Variants in RHOBTB2 observed in about 807,000 individuals in gnomAD.
RHOBTB2 encodes the protein rho-related BTB domain-containing protein 2.
In RHOBTB2, 39 loss-of-function variants were observed where a neutral mutation model predicts 66.5. The observed-to-expected ratio is 0.59, with a 90% confidence interval of 0.45 to 0.77. The LOEUF (loss-of-function observed/expected upper bound fraction) is 0.77. Ranked by LOEUF, RHOBTB2 falls within the 30% of genes least tolerant of loss-of-function variation. The pLI is 0.00. For missense variants in RHOBTB2, 755 were observed against 999.1 expected (o/e 0.76, Z 3.29); for synonymous variants, 390 against 395.0 (o/e 0.99, Z 0.15).
At chr8:22,988,665 C>G (rs1051101409) in intron 1 of RHOBTB2, among the ~76,000 whole-genome samples, 1 of 152,180 alleles carries the variant, frequency 6.6e-6, no homozygotes, top group African/African-American at 2.4e-5. Context: ...CAGGAGCTCT[C>G]AGGCTTACTG....
upstream of RHOBTB2, chr8:22,994,757 C>T: frequency 1.4e-6 from 1 of 729,118 alleles, no homozygotes; most frequent in African/African-American, 1.8e-5. Flanking sequence ...ACTAGACCAA[C>T]ATAAAAAAAA....
intron 7 of RHOBTB2, among the ~76,000 whole-genome samples, chr8:23,012,114 T>TA (rs1811166239): frequency 6.6e-6 from 1 of 152,174 alleles, no homozygotes. Context: ...TTGCTGTCCA[T>TA]AAAAAAATGG....
chr8:23,000,251 A>G, intron 1 of RHOBTB2, 146 bp downstream of exon 1: 1 of 423,770 alleles, frequency 2.4e-6, no homozygotes, highest in Non-Finnish European at 3.2e-6. Flanking sequence ...TGCTGGGTAC[A>G]GCGGGGCTGG....
At chr8:22,990,766 C>T (rs963292895) in intron 1 of RHOBTB2, among the ~76,000 whole-genome samples, 3 of 152,180 alleles carry the variant, frequency 2.0e-5, no homozygotes, top group Non-Finnish European at 4.4e-5. Flanking sequence ...ACAGCAGCAG[C>T]CTGTGGCCCC....
At chr8:22,997,960 T>A (rs929285942), upstream of RHOBTB2, among the ~76,000 whole-genome samples, 4 of 152,352 alleles carry the variant, frequency 2.6e-5, no homozygotes, top group East Asian at 7.7e-4. Context: ...CTCCTAAATA[T>A]GTATTCAAAT....
chr8:22,960,001 T>TGA, the RHOBTB2 span, among the ~76,000 whole-genome samples: 1 of 104,782 alleles, frequency 9.5e-6, no homozygotes, highest in East Asian at 2.7e-4. Context: ...CCATCTCTAC[T>TGA]AAAAAAAAAA....
chr8:22,956,754 C>T, the RHOBTB2 span, among the ~76,000 whole-genome samples: 3 of 152,160 alleles, frequency 2.0e-5, no homozygotes, highest in Admixed American at 6.5e-5. Context: ...CTCCGCCTCC[C>T]GGATTCAGGC....
upstream of RHOBTB2, among the ~76,000 whole-genome samples, chr8:22,985,326 G>A (rs1451292406): frequency 1.3e-5 from 2 of 152,238 alleles, no homozygotes; most frequent in Non-Finnish European, 2.9e-5. Context: ...CGTCACAGGC[G>A]TAATCTATAG....
chr8:22,997,490 C>A (rs1810607200), upstream of RHOBTB2, among the ~76,000 whole-genome samples: 1 of 152,170 alleles, frequency 6.6e-6, no homozygotes. Context: ...ATTTGACACC[C>A]ACATTTTTGT....
chr8:22,997,595 G>A (rs78378272), upstream of RHOBTB2, among the ~76,000 whole-genome samples: 7,944 of 152,284 alleles, frequency 0.052, 664 homozygotes, highest in African/African-American at 0.18. Context: ...TTTCTCCCAA[G>A]GCAGAAAGGG....
chr8:22,964,179 A>G, the RHOBTB2 span, among the ~76,000 whole-genome samples: 6 of 152,200 alleles, frequency 3.9e-5, no homozygotes, highest in Admixed American at 3.9e-4. Context: ...AGAACCGCAC[A>G]GGAAAGACCC....
Position 23,017,665 on chromosome 8 carries a change from A to C in RHOBTB2, c.*196A>C. The C allele has an allele frequency of 1.2e-6, 1 of 814,562 alleles. No individual in the cohort carries two copies. The highest frequency in any genetic ancestry group is 1.9e-5 in the South Asian group (1 of 54,044). 50.5% of individuals were successfully genotyped at this position (814,562 alleles called of 1,614,324 possible). A position where few individuals can be genotyped will look rare whatever the true frequency, so the allele number is the denominator to read the frequency against. Reference sequence around the variant, plus strand: ...AGCCCTGTGGAGCAGAACGGGAACCACCTGCAGAGGTCCCCAGACCCAAAG... The same window carrying C: ...AGCCCTGTGGAGCAGAACGGGAACCCCCTGCAGAGGTCCCCAGACCCAAAG... On this transcript the variant is annotated 3_prime_UTR_variant, in exon 10 of 10. Transcript: ENST00000251822. This position sits in a 1 kb window ranked among gnomAD's most constrained non-coding sequence, Gnocchi z 5.3.
chr8:22,968,592 G>A, the RHOBTB2 span, among the ~76,000 whole-genome samples: 1 of 151,684 alleles, frequency 6.6e-6, no homozygotes, highest in Non-Finnish European at 1.5e-5. Context: ...AGTGTAGAGG[G>A]GAGAATATTA....
At chr8:22,996,919 A>C (rs1810585883), upstream of RHOBTB2, among the ~76,000 whole-genome samples, 1 of 152,140 alleles carries the variant, frequency 6.6e-6, no homozygotes, top group Admixed American at 6.5e-5. Context: ...CAGCTGGGGT[A>C]CCAGGGGCTG....
At position 22,999,606 on chromosome 8, in the gene RHOBTB2, C is replaced by G. The variant is rs1333236626; in HGVS notation, c.-510C>G. 22 of 1,231,214 alleles carry G rather than the reference C, an allele frequency of 1.8e-5. No homozygotes were observed. Among genetic ancestry groups the G allele is most frequent in the Non-Finnish European group, 2.3e-5 (22 of 967,640 alleles). 76.3% of individuals were successfully genotyped at this position (1,231,214 alleles called of 1,614,324 possible). A position where few individuals can be genotyped will look rare whatever the true frequency, so the allele number is the denominator to read the frequency against. Reference sequence around the variant, plus strand: ...TTTTTTCTCCTCCTTTTTTTACCCTCCCGTTTTTTTCTTTTCTTTTTTTTT... The same window carrying G: ...TTTTTTCTCCTCCTTTTTTTACCCTGCCGTTTTTTTCTTTTCTTTTTTTTT... On this transcript the variant is annotated 5_prime_UTR_variant, in exon 1 of 10. Coordinates refer to ENST00000251822, the MANE Select transcript of RHOBTB2 (RefSeq NM_015178.3).
At chr8:22,965,569 G>A in the RHOBTB2 span, among the ~76,000 whole-genome samples, 1 of 152,158 alleles carries the variant, frequency 6.6e-6, no homozygotes. Flanking sequence ...GTGTGTCACT[G>A]ACATAAAGAC....
At chr8:23,012,728 C>T (rs894994010) in intron 7 of RHOBTB2, among the ~76,000 whole-genome samples, 4 of 152,176 alleles carry the variant, frequency 2.6e-5, no homozygotes, top group Admixed American at 1.3e-4. Flanking sequence ...AAGCGATCCT[C>T]CCAACTCAGC....
the RHOBTB2 span, among the ~76,000 whole-genome samples, chr8:22,974,444 T>G: frequency 6.6e-6 from 1 of 152,218 alleles, no homozygotes; most frequent in African/African-American, 2.4e-5. Flanking sequence ...CCGTTTTTAG[T>G]GTCTTGGGTG....
At chr8:22,969,233 A>G in the RHOBTB2 span, among the ~76,000 whole-genome samples, 1 of 152,188 alleles carries the variant, frequency 6.6e-6, no homozygotes, top group Admixed American at 6.5e-5. Context: ...TCACTACCAC[A>G]AGAACAGTAT....
Sources: gnomAD v4.1 joint callset for allele counts (sites outside exome capture counted in the v4.1 genomes callset) on GRCh38, gnomAD v4.1.1 for gene constraint, Gnocchi (gnomAD v3.1) non-coding constraint, MANE v1.5 for transcripts, NCBI Gene and HGNC (gene_info 2026-07-23, HGNC 2026-07-21) for gene names.